The following STMND1 variants were observed in gnomAD, a reference collection of about 807,000 sequenced individuals.
STMND1 encodes stathmin domain containing 1.
Under a neutral mutation model 23.0 loss-of-function variants are expected in STMND1, and 17 were observed. That is an observed-to-expected ratio of 0.74 (90% CI 0.51 to 1.11). The LOEUF is 1.11. Among genes scored for constraint, STMND1 ranks in the 50% least tolerant of loss-of-function variants. The pLI, the probability that STMND1 is intolerant of heterozygous loss-of-function variation, is 0.00. For missense variants in STMND1, 305 were observed against 329.1 expected, an observed-to-expected ratio of 0.93 and a Z score of 0.57; for synonymous variants, 114 against 119.9, an observed-to-expected ratio of 0.95 and a Z score of 0.32.
chr6:17,114,885 T>G (rs556942893), intron 1 of STMND1, 77 bp from the exon 2 acceptor site: 2 of 1,397,994 alleles, frequency 1.4e-6, no homozygotes, highest in Admixed American at 5.4e-5. Context: ...GGCTAAATAT[T>G]CACAAAGCAG....
rs5874593 is a variant in STMND1 at position 17,125,153 on chromosome 6, C to CAAA, written c.412-3943_412-3941dup. On this transcript the variant is annotated intron_variant, in intron 3 of 4. Coordinates refer to ENST00000536551, the MANE Select transcript of STMND1 (RefSeq NM_001190766.2). ...GCAACATGGTAAGATGCCATTTCTA[C>CAAA]AAAAAAAAAAAAAAAAAATTAAGAG... Among the ~76,000 whole-genome samples, 138 of 129,244 alleles carry CAAA rather than the reference C, an allele frequency of 1.1e-3. 3 individuals carry two copies. The highest frequency in any genetic ancestry group is 2.0e-3 in the South Asian group (8 of 3,928). The allele number at this position is 129,244 out of a possible 152,430, so 84.8% of individuals were successfully genotyped here. A position where few individuals can be genotyped will look rare whatever the true frequency, so the allele number is the denominator to read the frequency against.
chr6:17,129,156 GA>G lies in STMND1; in HGVS notation c.462del (p.Lys154AsnfsTer8). 1.3e-6 allele frequency: 2 copies of G among 1,535,902 alleles called. No individual in the cohort carries two copies. Among genetic ancestry groups the G allele is most frequent in the Non-Finnish European group, 1.7e-6 (2 of 1,146,820 alleles). On this transcript the variant is annotated frameshift_variant, in exon 4 of 5. Coordinates refer to ENST00000536551, the MANE Select transcript of STMND1 (RefSeq NM_001190766.2). LOFTEE classifies it high-confidence loss of function. ...CATTGAGAAAGCCACCTTCCAGACTGAAAAAACTCAAGATCAAAAAGCAAGT... is the reference window on the plus strand; with the variant it reads ...CATTGAGAAAGCCACCTTCCAGACTGAAAAACTCAAGATCAAAAAGCAAGT... ...KPLRKPPSRL[K>X]KLKIKKQVKD...
intron 1 of STMND1, among the ~76,000 whole-genome samples, chr6:17,113,808 T>A (rs1356872680): frequency 1.3e-5 from 2 of 152,124 alleles, no homozygotes; most frequent in Non-Finnish European, 2.9e-5. Flanking sequence ...ATAGCTTCGT[T>A]ATTATAAATT....
intron 3 of STMND1, among the ~76,000 whole-genome samples, chr6:17,121,555 C>T (rs376475123): frequency 6.6e-5 from 10 of 152,062 alleles, no homozygotes; most frequent in East Asian, 1.9e-4. Flanking sequence ...TTGATCATTA[C>T]GCATGTATCA....
chr6:17,117,811 G>A (rs1266523009), intron 2 of STMND1, among the ~76,000 whole-genome samples: 1 of 149,776 alleles, frequency 6.7e-6, no homozygotes, highest in East Asian at 2.0e-4. Context: ...CTCTCGACTA[G>A]CTGGGATTAC....
At chr6:17,112,292 GTTTAAT>G (rs1761105496) in intron 1 of STMND1, among the ~76,000 whole-genome samples, 1 of 152,072 alleles carries the variant, frequency 6.6e-6, no homozygotes, top group Non-Finnish European at 1.5e-5. Context: ...GTATGTCAGT[GTTTAAT>G]TTCTTTTTCT....
At chr6:17,110,749 CAG>C in intron 1 of STMND1, 1 of 453,178 alleles carries the variant, frequency 2.2e-6, no homozygotes, top group South Asian at 1.6e-5. Flanking sequence ...GCCTGGGTGA[CAG>C]AGCAAGACTC....
intron 1 of STMND1, among the ~76,000 whole-genome samples, chr6:17,112,902 T>C (rs938837870): frequency 6.6e-6 from 1 of 152,200 alleles, no homozygotes; most frequent in Non-Finnish European, 1.5e-5. Context: ...TATATGAGGG[T>C]TCCAATTTCT....
chr6:17,114,877 C>T, intron 1 of STMND1, 85 bp from the exon 2 acceptor site: 1 of 1,371,284 alleles, frequency 7.3e-7, no homozygotes, highest in Non-Finnish European at 9.6e-7. Flanking sequence ...TACTAGCTGG[C>T]TAAATATTCA....
Position 17,115,005 on chromosome 6 carries a change from G to A in STMND1, c.125G>A (p.Arg42Gln), listed in dbSNP as rs561083418. The change falls in exon 2 of 5, where the codon CGG becomes CAG. Residue 42 changes from arginine (R) to glutamine (Q), a missense_variant. Arg to Gln is a conservative substitution (Grantham distance 43). Transcript: ENST00000536551. ...CATACTGGGGAAAATTGCAGCCCCC[G>A]GATGGAAGCTGCTCTGACCAAGAAT... is the stretch of plus-strand genomic sequence containing the variant. ...VPHTGENCSP[R>Q]MEAALTKNTV... 58 of 1,533,298 alleles carry A rather than the reference G, an allele frequency of 3.8e-5. No individual in the cohort carries two copies. In the African/African-American group the frequency reaches 4.5e-4, roughly 12 times the overall value. The allele number at this position is 1,533,298 out of a possible 1,614,324, so 95.0% of individuals were successfully genotyped here.
At chr6:17,120,905 C>T in intron 3 of STMND1, 147 bp downstream of exon 3, 2 of 706,664 alleles carry the variant, frequency 2.8e-6, no homozygotes, top group Middle Eastern at 4.0e-4. Context: ...TAAATTCCCC[C>T]CACATCTCTG....
chr6:17,126,043 TA>T (rs1761291245), intron 3 of STMND1, among the ~76,000 whole-genome samples: 1 of 28,640 alleles, frequency 3.5e-5, no homozygotes, highest in African/African-American at 1.8e-4. Flanking sequence ...TTTATATATA[TA>T]TATATATATA....
At chr6:17,124,244 GA>G (rs1243592074) in intron 3 of STMND1, among the ~76,000 whole-genome samples, 3 of 152,046 alleles carry the variant, frequency 2.0e-5, no homozygotes, top group Non-Finnish European at 2.9e-5. Context: ...AATATTATGG[GA>G]AAAATAGAAT....
chr6:17,125,238 T>A (rs944997506), intron 3 of STMND1, among the ~76,000 whole-genome samples: 22 of 151,656 alleles, frequency 1.5e-4, no homozygotes, highest in Admixed American at 2.6e-4. Context: ...GTTGAGGGAA[T>A]CTTTCAGTGT....
chr6:17,103,109 G>C (rs1213101732), intron 1 of STMND1, among the ~76,000 whole-genome samples: 1 of 152,102 alleles, frequency 6.6e-6, no homozygotes, highest in Non-Finnish European at 1.5e-5. Flanking sequence ...CACAGACAGC[G>C]CTAGCAACCC....
chr6:17,122,056 T>G (rs1459063527), intron 3 of STMND1, among the ~76,000 whole-genome samples: 2 of 152,028 alleles, frequency 1.3e-5, no homozygotes, highest in Non-Finnish European at 2.9e-5. Flanking sequence ...AGAGACAGGA[T>G]TTCACCATCT....
intron 2 of STMND1, among the ~76,000 whole-genome samples, chr6:17,118,905 G>T (rs1761193004): frequency 6.6e-6 from 1 of 152,176 alleles, no homozygotes. Context: ...TCTCAGAGTT[G>T]ATGTTTGCAT....
At chr6:17,127,022 G>T (rs553481944) in intron 3 of STMND1, among the ~76,000 whole-genome samples, 1 of 152,194 alleles carries the variant, frequency 6.6e-6, no homozygotes, top group Non-Finnish European at 1.5e-5. Context: ...CCGGCTGTAG[G>T]CTCTCCTTCC....
At position 17,106,939 on chromosome 6, in the gene STMND1, G is replaced by A. The variant is rs569366208; in HGVS notation, c.81+4601G>A. 7.2e-5 allele frequency among the ~76,000 whole-genome samples: 11 copies of A among 152,208 alleles called. No homozygotes were observed. The South Asian group carries it at 2.3e-3, about 32-fold the overall frequency. Reference sequence around the variant, plus strand: ...TTGGAGAAATGTTTTTCTTCTATGAGAATAACTCAAAATTCCTTGCCTGTT... The same window carrying A: ...TTGGAGAAATGTTTTTCTTCTATGAAAATAACTCAAAATTCCTTGCCTGTT... On this transcript the variant is annotated intron_variant, in intron 1 of 4. Transcript: ENST00000536551.
Sources: gnomAD v4.1 joint callset for allele counts (sites outside exome capture counted in the v4.1 genomes callset) on GRCh38, gnomAD v4.1.1 for gene constraint, MANE v1.5 for transcripts, NCBI Gene and HGNC (gene_info 2026-07-23, HGNC 2026-07-21) for gene names.